Variants in SLC24A3 observed in about 807,000 individuals in gnomAD.
The protein encoded by SLC24A3 is sodium/potassium/calcium exchanger 3.
SLC24A3 carries 28 observed loss-of-function variants against 75.8 expected under a neutral mutation model. That is an observed-to-expected ratio of 0.37 (90% CI 0.27 to 0.51). The LOEUF is 0.51. SLC24A3 is among the 20% of genes least tolerant of loss of function. SLC24A3 has a pLI of 0.94. For missense variants in SLC24A3, 663 were observed against 847.8 expected, an observed-to-expected ratio of 0.78 and a Z score of 2.71; for synonymous variants, 372 against 334.1, an observed-to-expected ratio of 1.11 and a Z score of -1.24.
At chr20:19,579,678 T>C (rs188896552) in intron 3 of SLC24A3, among the ~76,000 whole-genome samples, 6 of 151,666 alleles carry the variant, frequency 4.0e-5, no homozygotes, top group Admixed American at 2.6e-4. Flanking sequence ...ACCTGAAGGG[T>C]GTGATGGCGT....
At chr20:19,704,592 A>T (rs2122155446) in intron 15 of SLC24A3, among the ~76,000 whole-genome samples, 1 of 152,336 alleles carries the variant, frequency 6.6e-6, no homozygotes, top group Middle Eastern at 3.4e-3. Context: ...CCTTATGCAG[A>T]TGATGAGTTG....
intron 2 of SLC24A3, among the ~76,000 whole-genome samples, chr20:19,370,517 T>C (rs6112329): frequency 0.015 from 2,243 of 152,366 alleles, 45 homozygotes; most frequent in African/African-American, 0.052. Flanking sequence ...CTCATGGTCC[T>C]ATGGCTTGAA....
At chr20:19,582,339 G>GA (rs2031229101) in intron 4 of SLC24A3, among the ~76,000 whole-genome samples, 1 of 152,218 alleles carries the variant, frequency 6.6e-6, no homozygotes, top group South Asian at 2.1e-4. Context: ...GAGTGGGGCA[G>GA]AAAAACACAG....
intron 4 of SLC24A3, among the ~76,000 whole-genome samples, chr20:19,581,094 C>A (rs1449848477): frequency 6.6e-6 from 1 of 152,162 alleles, no homozygotes; most frequent in African/African-American, 2.4e-5. Context: ...AAAAAGTGTC[C>A]CACAATAACA....
chr20:19,235,775 A>G (rs577256783), intron 1 of SLC24A3, among the ~76,000 whole-genome samples: 2 of 152,234 alleles, frequency 1.3e-5, no homozygotes, highest in South Asian at 4.2e-4. Flanking sequence ...ACATCCATTC[A>G]TATGTCCCAG....
At chr20:19,572,361 A>AT (rs2031066516) in intron 3 of SLC24A3, among the ~76,000 whole-genome samples, 3 of 152,192 alleles carry the variant, frequency 2.0e-5, no homozygotes, top group East Asian at 1.9e-4. Context: ...GAAGAAAAAA[A>AT]GAAAAAAACA....
chr20:19,352,145 T>C (rs944419399), intron 2 of SLC24A3, among the ~76,000 whole-genome samples: 2 of 150,306 alleles, frequency 1.3e-5, no homozygotes, highest in African/African-American at 4.9e-5. Context: ...GGGGAGGGGG[T>C]AGTTCTGTGG....
At chr20:19,438,153 T>C (rs769944632) in intron 2 of SLC24A3, among the ~76,000 whole-genome samples, 48 of 152,198 alleles carry the variant, frequency 3.2e-4, no homozygotes, top group South Asian at 1.5e-3. Context: ...GTGAATCAAG[T>C]TTTGTGGGTC....
At chr20:19,330,600 G>A (rs1229197765) in intron 2 of SLC24A3, among the ~76,000 whole-genome samples, 1 of 152,178 alleles carries the variant, frequency 6.6e-6, no homozygotes, top group African/African-American at 2.4e-5. Flanking sequence ...TGTGGAAGGA[G>A]GAGGGCTCTT....
At chr20:19,635,238 G>A (rs8118939) in intron 6 of SLC24A3, among the ~76,000 whole-genome samples, 2,584 of 152,282 alleles carry the variant, frequency 0.017, 69 homozygotes, top group African/African-American at 0.059. Flanking sequence ...GTAGTCTAGA[G>A]TTTTTAATGA....
At chr20:19,714,279 C>T (rs1600354357) in intron 15 of SLC24A3, among the ~76,000 whole-genome samples, 1 of 152,022 alleles carries the variant, frequency 6.6e-6, no homozygotes, top group Admixed American at 6.6e-5. Flanking sequence ...GTGGTGTGTG[C>T]CTATAGTCCC....
intron 2 of SLC24A3, among the ~76,000 whole-genome samples, chr20:19,369,947 C>T (rs745535526): frequency 2.4e-4 from 37 of 152,116 alleles, no homozygotes; most frequent in African/African-American, 8.4e-4. Flanking sequence ...AGGTTACAAG[C>T]GTGAGCCACT....
intron 2 of SLC24A3, among the ~76,000 whole-genome samples, chr20:19,394,708 C>T (rs1414037232): frequency 2.0e-5 from 3 of 152,136 alleles, no homozygotes; most frequent in African/African-American, 4.8e-5. Flanking sequence ...ACAAACAAAA[C>T]AGAAAATAAC....
chr20:19,458,176 C>G (rs528169390), intron 2 of SLC24A3, among the ~76,000 whole-genome samples: 1 of 152,210 alleles, frequency 6.6e-6, no homozygotes, highest in South Asian at 2.1e-4. Flanking sequence ...AAGCTCCCCC[C>G]TCACATGCAC....
chr20:19,706,258 G>A (rs556930725), intron 15 of SLC24A3, among the ~76,000 whole-genome samples: 1 of 152,214 alleles, frequency 6.6e-6, no homozygotes, highest in East Asian at 1.9e-4. Context: ...GGTAACCACT[G>A]GAGATGGTGC....
Position 19,290,516 on chromosome 20 carries a change from C to A in SLC24A3, c.271+9429C>A, listed in dbSNP as rs1362499834. ...CCCTCACCCCTTCCACCTTGTGAGG[C>A]TAGAGTGAGAAAATGTCATCTATGA... On this transcript the variant is annotated intron_variant, in intron 2 of 16. Coordinates refer to ENST00000328041, the MANE Select transcript of SLC24A3 (RefSeq NM_020689.4). 3.3e-5 allele frequency among the ~76,000 whole-genome samples: 5 copies of A among 152,178 alleles called. No homozygotes were observed. The East Asian group carries it at 9.6e-4, about 29-fold the overall frequency.
intron 2 of SLC24A3, among the ~76,000 whole-genome samples, chr20:19,294,825 T>A (rs1481715236): frequency 6.6e-6 from 1 of 152,200 alleles, no homozygotes; most frequent in African/African-American, 2.4e-5. Context: ...CTGGGTCAAA[T>A]GGTATTTCTG....
chr20:19,563,750 A>G (rs1205801985), intron 3 of SLC24A3, among the ~76,000 whole-genome samples: 5 of 152,202 alleles, frequency 3.3e-5, no homozygotes, highest in African/African-American at 1.2e-4. Context: ...AGAGAACAAG[A>G]AAGTGACAGA....
chr20:19,542,234 T>C (rs1313562725), intron 3 of SLC24A3, among the ~76,000 whole-genome samples: 6 of 152,192 alleles, frequency 3.9e-5, no homozygotes, highest in Admixed American at 3.9e-4. Flanking sequence ...GAATGTGAAG[T>C]TGGGAGCTTG....
Sources: gnomAD v4.1 joint callset for allele counts (sites outside exome capture counted in the v4.1 genomes callset) on GRCh38, gnomAD v4.1.1 for gene constraint, MANE v1.5 for transcripts, NCBI Gene and HGNC (gene_info 2026-07-23, HGNC 2026-07-21) for gene names.